The following WDR49 variants were observed in gnomAD, a reference collection of about 807,000 sequenced individuals.
The protein encoded by WDR49 is WD repeat domain 49, also known as cilia- and flagella-associated protein 337.
In WDR49, 107 loss-of-function variants were observed where a neutral mutation model predicts 119.5. The ratio of observed to expected loss-of-function variants is 0.90; its 90% CI spans 0.77 to 1.05. The LOEUF (loss-of-function observed/expected upper bound fraction) is 1.05. Among genes scored for constraint, WDR49 ranks in the 50% least tolerant of loss-of-function variants. The pLI is 0.00. For missense variants in WDR49, 1,240 were observed against 1,220.5 expected, an observed-to-expected ratio of 1.02 and a Z score of -0.24; for synonymous variants, 425 against 418.8, an observed-to-expected ratio of 1.01 and a Z score of -0.18.
chr3:167,561,302 C>G (rs977784284), intron 8 of WDR49, among the ~76,000 whole-genome samples: 1 of 152,110 alleles, frequency 6.6e-6, no homozygotes, highest in African/African-American at 2.4e-5. Context: ...AAATCCTGCT[C>G]TCAAGGAGTC....
At chr3:167,639,008 T>G (rs1002258435) in intron 2 of WDR49, among the ~76,000 whole-genome samples, 1 of 151,696 alleles carries the variant, frequency 6.6e-6, no homozygotes, top group African/African-American at 2.4e-5. Flanking sequence ...GAAATATAAT[T>G]GTTCTTATTA....
upstream of WDR49, among the ~76,000 whole-genome samples, chr3:167,655,074 A>G (rs1377561634): frequency 6.6e-6 from 1 of 152,106 alleles, no homozygotes; most frequent in Non-Finnish European, 1.5e-5. Flanking sequence ...GGTTTAATTG[A>G]CTCATAATTT....
intron 2 of WDR49, among the ~76,000 whole-genome samples, chr3:167,648,652 C>T (rs1043567938): frequency 5.9e-5 from 9 of 152,238 alleles, no homozygotes; most frequent in Admixed American, 2.0e-4. Flanking sequence ...ACTTGCCATA[C>T]GACTTGAAGT....
intron 2 of WDR49, chr3:167,633,290 G>A (rs1717457074): frequency 2.7e-6 from 1 of 370,954 alleles, no homozygotes; most frequent in Non-Finnish European, 5.3e-6. Flanking sequence ...TACCATCATA[G>A]CAGCAGATGC....
chr3:167,497,770 A>G (rs1470470844), intron 18 of WDR49, among the ~76,000 whole-genome samples: 1 of 151,644 alleles, frequency 6.6e-6, no homozygotes, highest in Non-Finnish European at 1.5e-5. Context: ...TATCTGGACT[A>G]TCTTTACAAC....
chr3:167,526,021 A>T (rs1339866003), intron 15 of WDR49, among the ~76,000 whole-genome samples: 2 of 151,976 alleles, frequency 1.3e-5, no homozygotes, highest in Non-Finnish European at 2.9e-5. Flanking sequence ...CCTTTAAAAA[A>T]TAAAAATTAA....
chr3:167,647,700 C>A (rs1160903638), intron 2 of WDR49, among the ~76,000 whole-genome samples: 1 of 152,132 alleles, frequency 6.6e-6, no homozygotes, highest in Non-Finnish European at 1.5e-5. Flanking sequence ...CTTTGTTCAG[C>A]AGATGATGAA....
At chr3:167,576,675 T>C (rs1714268289) in intron 7 of WDR49, among the ~76,000 whole-genome samples, 1 of 152,118 alleles carries the variant, frequency 6.6e-6, no homozygotes, top group Non-Finnish European at 1.5e-5. Context: ...AGGGCCATGA[T>C]CCAAGGAAGC....
intron 14 of WDR49, 52 bp from the exon 15 acceptor site, chr3:167,528,069 A>G (rs1752700476): frequency 6.7e-7 from 1 of 1,495,882 alleles, no homozygotes; most frequent in Non-Finnish European, 9.2e-7. Context: ...TGAAATGATT[A>G]CAATGACATA....
chr3:167,524,637 T>C (rs1330647328), intron 15 of WDR49, among the ~76,000 whole-genome samples: 2 of 152,196 alleles, frequency 1.3e-5, no homozygotes. Flanking sequence ...TAGCCAGTTT[T>C]CCCAGCACCA....
chr3:167,636,744 T>A (rs529844026), intron 2 of WDR49, among the ~76,000 whole-genome samples: 1 of 152,090 alleles, frequency 6.6e-6, no homozygotes, highest in East Asian at 1.9e-4. Flanking sequence ...TGATCATTAG[T>A]AATGTTGAGC....
At chr3:167,528,964 G>T in intron 14 of WDR49, 88 bp downstream of exon 14, 7 of 1,115,940 alleles carry the variant, frequency 6.3e-6, no homozygotes, top group African/African-American at 1.6e-5. Flanking sequence ...CCTTTGTTTA[G>T]GAGACAGACA....
chr3:167,488,943 G>T (rs1470981890), intron 18 of WDR49, among the ~76,000 whole-genome samples: 1 of 151,990 alleles, frequency 6.6e-6, no homozygotes, highest in African/African-American at 2.4e-5. Context: ...GGGACATTCT[G>T]CCCCAACATC....
intron 7 of WDR49, among the ~76,000 whole-genome samples, chr3:167,576,861 A>ATATACATGTGTGTATACATATATATG: frequency 6.6e-6 from 1 of 152,162 alleles, no homozygotes; most frequent in Non-Finnish European, 1.5e-5. Context: ...GTCTGTCTAT[A>ATATACATGTGTGTATACATATATATG]TATACATGTG....
chr3:167,651,056 T>C (rs961302791), intron 2 of WDR49, among the ~76,000 whole-genome samples: 3 of 152,210 alleles, frequency 2.0e-5, no homozygotes, highest in Admixed American at 6.5e-5. Context: ...TATTCCTAAA[T>C]GTTACTACTA....
chr3:167,627,378 T>C, intron 2 of WDR49, 86 bp from the exon 3 acceptor site: 7 of 1,154,812 alleles, frequency 6.1e-6, no homozygotes, highest in Non-Finnish European at 7.6e-6. Context: ...CAAAGGTGAA[T>C]TTAATCAGCA....
intron 7 of WDR49, among the ~76,000 whole-genome samples, chr3:167,579,494 C>CT (rs1714428176): frequency 6.6e-6 from 1 of 152,096 alleles, no homozygotes; most frequent in Admixed American, 6.6e-5. Flanking sequence ...TCCATTTACT[C>CT]TAACTACCAG....
At chr3:167,575,144 T>C in intron 8 of WDR49, 1 of 985,378 alleles carries the variant, frequency 1.0e-6, no homozygotes, top group Non-Finnish European at 1.2e-6. Flanking sequence ...GCTTGGCTCC[T>C]GCTGTGCTGT....
intron 18 of WDR49, among the ~76,000 whole-genome samples, chr3:167,493,955 G>C (rs751191053): frequency 5.3e-5 from 8 of 152,090 alleles, no homozygotes; most frequent in Non-Finnish European, 1.0e-4. Flanking sequence ...CAAACTAGAA[G>C]ACTGATCGGC....
Sources: allele counts gnomAD v4.1 joint callset (sites outside exome capture counted in the v4.1 genomes callset), GRCh38; gene constraint gnomAD v4.1.1; transcripts MANE v1.5; gene names NCBI Gene and HGNC (gene_info 2026-07-23, HGNC 2026-07-21).